Variants in NUP160 observed in about 807,000 individuals in gnomAD.
NUP160 encodes the protein nucleoporin 160.
A neutral mutation model predicts 196.9 loss-of-function variants in NUP160; 94 were observed. The observed-to-expected ratio is 0.48, with a 90% CI of 0.40 to 0.57. The LOEUF (loss-of-function observed/expected upper bound fraction) is 0.57. Among genes scored for constraint, NUP160 ranks in the 20% least tolerant of loss-of-function variants. NUP160 has a pLI of 0.00. For synonymous variants in NUP160, 605 were observed against 619.7 expected (o/e 0.98, Z 0.35); for missense variants, 1,638 against 1,748.3 (o/e 0.94, Z 1.13).
In NUP160 at chr11:47,812,544, T is replaced by C. The variant is rs530294269; in HGVS notation, c.1953-115A>G. The C allele has an allele frequency of 3.8e-6, 4 of 1,064,544 alleles. No homozygotes were observed. The East Asian group carries it at 7.2e-5, about 19-fold the overall frequency. The allele number at this position is 1,064,544 out of a possible 1,614,324, so 65.9% of individuals were successfully genotyped here. A position where few individuals can be genotyped will look rare whatever the true frequency, so the allele number is the denominator to read the frequency against. On this transcript the variant is annotated intron_variant, in intron 15 of 35. Transcript: ENST00000378460. ...AGAGAACCAGATAAAGGAATGAAGA[T>C]AATCACTCTGGCATATAAGATACAG... is the stretch of plus-strand genomic sequence containing the variant.
chr11:47,838,200 G>A (rs1224026737), intron 4 of NUP160, among the ~76,000 whole-genome samples: 1 of 152,210 alleles, frequency 6.6e-6, no homozygotes, highest in Non-Finnish European at 1.5e-5. Flanking sequence ...TAAAGGAGCT[G>A]AGGGAATGAG....
chr11:47,810,887 T>C (rs1049444655), intron 17 of NUP160, among the ~76,000 whole-genome samples: 8 of 152,182 alleles, frequency 5.3e-5, no homozygotes, highest in Non-Finnish European at 1.0e-4. Flanking sequence ...AGTACATTTA[T>C]ACATTTTAAG....
chr11:47,811,837 C>T (rs1402929272), intron 17 of NUP160, among the ~76,000 whole-genome samples: 2 of 152,136 alleles, frequency 1.3e-5, no homozygotes, highest in Non-Finnish European at 2.9e-5. Flanking sequence ...TCCCCACCGT[C>T]CCCTCCATAT....
chr11:47,847,758 C>A (rs1599354901), intron 2 of NUP160, 90 bp downstream of exon 2: 1 of 817,090 alleles, frequency 1.2e-6, no homozygotes, highest in East Asian at 2.4e-5. Context: ...TGTCAATTAC[C>A]GCTTCTAGAA....
intron 34 of NUP160, among the ~76,000 whole-genome samples, chr11:47,782,298 AAAAAAATATATATATATATATAT>A (rs1377324356): frequency 0.026 from 1,368 of 53,296 alleles, 107 homozygotes; most frequent in South Asian, 0.12. Flanking sequence ...TTAAAAAAAA[AAAAAAATATATATATATATATAT>A]ATATATATAT....
chr11:47,816,572 C>T (rs1052563111), intron 11 of NUP160, among the ~76,000 whole-genome samples: 7 of 151,902 alleles, frequency 4.6e-5, no homozygotes, highest in Admixed American at 1.3e-4. Context: ...GCCAGGAGTT[C>T]GAGACAAGCT....
chr11:47,812,550 C>G, intron 15 of NUP160, 121 bp from the exon 16 acceptor site: 2 of 1,009,564 alleles, frequency 2.0e-6, no homozygotes, highest in Non-Finnish European at 2.9e-6. Context: ...AAGATAATCA[C>G]TCTGGCATAT....
chr11:47,811,226 A>T (rs536215337), intron 17 of NUP160, among the ~76,000 whole-genome samples: 1 of 152,234 alleles, frequency 6.6e-6, no homozygotes, highest in South Asian at 2.1e-4. Flanking sequence ...GAGAGTTCTT[A>T]GGTTGGGCAA....
At position 47,836,805 on chromosome 11, in the gene NUP160, T is replaced by C. The variant is rs1009613125; in HGVS notation, c.942+82A>G. On this transcript the variant is annotated intron_variant, in intron 6 of 35. Coordinates refer to ENST00000378460, the Ensembl canonical transcript of NUP160. ...CCAAACCAATTGATCTAATAATCTT[T>C]AGAGAAACAGCAAAATTTACTTCAA... 8 of 836,104 alleles carry C rather than the reference T, an allele frequency of 9.6e-6. No homozygotes were observed. The South Asian group carries it at 1.1e-4, about 12-fold the overall frequency. 51.8% of individuals were successfully genotyped at this position (836,104 alleles called of 1,614,324 possible). A position where few individuals can be genotyped will look rare whatever the true frequency, so the allele number is the denominator to read the frequency against.
chr11:47,836,960 A>C (rs1280185116), exon 6 of NUP160: 3 of 1,613,802 alleles, frequency 1.9e-6, no homozygotes, highest in African/African-American at 2.7e-5. Context: ...CACACAATGA[A>C]CAGCAAGACT....
At chr11:47,779,174 G>A (rs779026854) in exon 36 of NUP160, 18 of 1,611,328 alleles carry the variant, frequency 1.1e-5, no homozygotes, top group Non-Finnish European at 1.5e-5. Flanking sequence ...CCTCCAATTT[G>A]TCAAGTATTT....
intron 7 of NUP160, among the ~76,000 whole-genome samples, chr11:47,831,379 C>T (rs1852069762): frequency 6.6e-6 from 1 of 151,996 alleles, no homozygotes; most frequent in African/African-American, 2.4e-5. Context: ...AAGTATATAG[C>T]AGCAGTATTC....
chr11:47,792,015 A>C, intron 28 of NUP160, 25 bp from the exon 29 acceptor site: 1 of 1,532,168 alleles, frequency 6.5e-7, no homozygotes, highest in Non-Finnish European at 9.0e-7. Flanking sequence ...CAAGCAATTT[A>C]ACTGTGAAAA....
chr11:47,847,571 T>G (rs2135408879), intron 2 of NUP160, among the ~76,000 whole-genome samples: 1 of 148,350 alleles, frequency 6.7e-6, no homozygotes, highest in Non-Finnish European at 1.5e-5. Context: ...ATGTTTAAAA[T>G]TGGTCTTATG....
rs377604809 is a variant in NUP160, at chr11:47,826,139, TAAACAAACAAAC to T, written c.1102-3987_1102-3976del. On this transcript the variant is annotated intron_variant, in intron 7 of 35. Coordinates refer to ENST00000378460, the Ensembl canonical transcript of NUP160. ...CAATTTAGCAGGTCTCAAACAGCAT[TAAACAAACAAAC>T]AAACAAACAAACAAACAAAAACCCA... Among the ~76,000 whole-genome samples, 9 of 151,948 alleles carry T rather than the reference TAAACAAACAAAC, an allele frequency of 5.9e-5. No homozygotes were observed. In the South Asian group the frequency reaches 8.3e-4, roughly 14 times the overall value.
intron 32 of NUP160, 35 bp from the exon 33 acceptor site, chr11:47,785,098 A>ATTATTTTTTTT: frequency 8.8e-7 from 1 of 1,137,368 alleles, no homozygotes; most frequent in Non-Finnish European, 1.2e-6. Flanking sequence ...TGAGTTTCAG[A>ATTATTTTTTTT]TTCTTAATAG....
intron 7 of NUP160, chr11:47,827,000 C>T: frequency 2.2e-6 from 1 of 455,800 alleles, no homozygotes; most frequent in Admixed American, 2.4e-5. Flanking sequence ...AAACTGAACA[C>T]CCTTTCAAGA....
At chr11:47,785,905 G>C (rs919520680) in intron 32 of NUP160, among the ~76,000 whole-genome samples, 1 of 152,230 alleles carries the variant, frequency 6.6e-6, no homozygotes, top group African/African-American at 2.4e-5. Context: ...TTCAGAAAGG[G>C]AAGTTTACTG....
intron 2 of NUP160, among the ~76,000 whole-genome samples, chr11:47,846,809 T>C (rs1167929432): frequency 6.6e-6 from 1 of 152,174 alleles, no homozygotes; most frequent in Admixed American, 6.5e-5. Context: ...ATGAGTATAT[T>C]GTGTGTATAT....
Sources: gnomAD v4.1 joint callset for allele counts (sites outside exome capture counted in the v4.1 genomes callset) on GRCh38, gnomAD v4.1.1 for gene constraint, MANE v1.5 for transcripts, NCBI Gene and HGNC (gene_info 2026-07-23, HGNC 2026-07-21) for gene names.